KCND3: variants seen among roughly 807,000 people sequenced by gnomAD.
KCND3 encodes the protein A-type voltage-gated potassium channel KCND3.
A neutral mutation model predicts 51.1 loss-of-function variants in KCND3; 9 were observed. The observed-to-expected ratio is 0.18, with a 90% CI of 0.11 to 0.31. The LOEUF is 0.31. Ranked by LOEUF, KCND3 falls within the 10% of genes least tolerant of loss-of-function variation. KCND3 has a pLI of 1.00. For synonymous variants in KCND3, 349 were observed against 368.0 expected, an observed-to-expected ratio of 0.95 and a Z score of 0.59; for missense variants, 526 against 903.8, an observed-to-expected ratio of 0.58 and a Z score of 5.36.
chr1:111,790,493 G>A (rs1484836296), intron 2 of KCND3, among the ~76,000 whole-genome samples: 1 of 152,136 alleles, frequency 6.6e-6, no homozygotes, highest in Non-Finnish European at 1.5e-5. Context: ...GCCACAGCTG[G>A]TGAGTTCAAA....
chr1:111,854,890 C>T (rs1021713773), intron 2 of KCND3, among the ~76,000 whole-genome samples: 1 of 152,158 alleles, frequency 6.6e-6, no homozygotes, highest in African/African-American at 2.4e-5. Flanking sequence ...AACAAGGCCT[C>T]GCTGTCTAGT....
chr1:111,884,704 AT>A (rs776384781), intron 2 of KCND3, among the ~76,000 whole-genome samples: 15 of 152,172 alleles, frequency 9.9e-5, no homozygotes, highest in African/African-American at 1.4e-4. Flanking sequence ...CAATCAGAGG[AT>A]TTTCCCTTGC....
intron 2 of KCND3, among the ~76,000 whole-genome samples, chr1:111,944,952 A>G (rs144101569): frequency 2.0e-5 from 3 of 152,084 alleles, no homozygotes; most frequent in Non-Finnish European, 4.4e-5. Context: ...TGCTTCTGTC[A>G]CTCAACCATG....
chr1:111,819,099 G>C (rs1021731542), intron 2 of KCND3, among the ~76,000 whole-genome samples: 1 of 152,122 alleles, frequency 6.6e-6, no homozygotes, highest in Non-Finnish European at 1.5e-5. Context: ...AGGCCTTCTT[G>C]CTTTTAGGAG....
chr1:111,846,851 T>C (rs1471836579), intron 2 of KCND3, among the ~76,000 whole-genome samples: 1 of 152,186 alleles, frequency 6.6e-6, no homozygotes, highest in Non-Finnish European at 1.5e-5. Context: ...GCTATTGCCC[T>C]AGGTAATGAA....
At chr1:111,947,858 G>C (rs1282122663) in intron 2 of KCND3, among the ~76,000 whole-genome samples, 1 of 152,172 alleles carries the variant, frequency 6.6e-6, no homozygotes, top group African/African-American at 2.4e-5. Context: ...TTAGTTTTTT[G>C]TTTATTTGCT....
At chr1:111,848,860 C>T (rs1450870801) in intron 2 of KCND3, among the ~76,000 whole-genome samples, 1 of 152,170 alleles carries the variant, frequency 6.6e-6, no homozygotes, top group Non-Finnish European at 1.5e-5. Context: ...GATGTGCTGT[C>T]CACAGGGAGC....
chr1:111,958,952 C>T (rs1673487389), intron 2 of KCND3, among the ~76,000 whole-genome samples: 1 of 152,202 alleles, frequency 6.6e-6, no homozygotes. Flanking sequence ...ATGCATCTTG[C>T]TTGTAATTGC....
Position 111,982,032 on chromosome 1 carries a change from G to A in KCND3, c.695C>T (p.Ala232Val), listed in dbSNP as rs761779478. 1.9e-6 allele frequency: 3 copies of A among 1,613,796 alleles called. No homozygotes were observed. Among genetic ancestry groups the A allele is most frequent in the South Asian group, 1.1e-5 (1 of 91,056 alleles). The part of the protein sequence containing the change: ...YSVAFFCLDT[A>V]CVMIFTVEYL... ...CTCCACGGTGAAGATCATGACGCAC[G>A]CCGTGTCCAGGCAGAAGAAGGCCAC... The change falls in exon 2 of 8, where the codon GCG becomes GTG. Residue 232 changes from alanine to valine, a missense_variant. Physicochemically the swap from Ala to Val is moderately conservative, Grantham distance 64. Coordinates refer to ENST00000302127, the MANE Select transcript of KCND3 (RefSeq NM_001378969.1). This position sits in a 1 kb window ranked among gnomAD's most constrained non-coding sequence, Gnocchi z 8.5.
intron 2 of KCND3, among the ~76,000 whole-genome samples, chr1:111,964,347 T>C (rs1249829783): frequency 1.3e-5 from 2 of 152,126 alleles, no homozygotes; most frequent in African/African-American, 4.8e-5. Flanking sequence ...AAGTACAGCC[T>C]CCCAACCTGC....
chr1:111,780,593 T>C lies in KCND3; in HGVS notation c.1371+97A>G. 1.8e-6 allele frequency: 2 copies of C among 1,106,948 alleles called. No homozygotes were observed. The highest frequency in any genetic ancestry group is 1.3e-6 in the Non-Finnish European group (1 of 742,774). 68.6% of individuals were successfully genotyped at this position (1,106,948 alleles called of 1,614,324 possible). On this transcript the variant is annotated intron_variant, in intron 4 of 7. Coordinates refer to ENST00000302127, the MANE Select transcript of KCND3 (RefSeq NM_001378969.1). The surrounding 1 kb of genome is among the most constrained non-coding windows in gnomAD (Gnocchi z 4.2). Reference sequence around the variant, plus strand: ...GGAAACGTGTCCTCCTTGGGGTTCATACTGGGGCTCTGGTGAGAGTGCTGG... The same window carrying C: ...GGAAACGTGTCCTCCTTGGGGTTCACACTGGGGCTCTGGTGAGAGTGCTGG...
At chr1:111,790,096 C>T (rs769176039) in intron 2 of KCND3, among the ~76,000 whole-genome samples, 27 of 152,026 alleles carry the variant, frequency 1.8e-4, no homozygotes, top group Non-Finnish European at 2.9e-4. Flanking sequence ...TGGTATGTTC[C>T]GGAATTTTTC....
intron 2 of KCND3, among the ~76,000 whole-genome samples, chr1:111,921,915 G>A (rs1187331312): frequency 4.6e-5 from 7 of 152,272 alleles, no homozygotes; most frequent in African/African-American, 1.7e-4. Flanking sequence ...GAGATAATGT[G>A]GATGCCTAAA....
intron 2 of KCND3, among the ~76,000 whole-genome samples, chr1:111,821,671 C>G (rs59101631): frequency 6.6e-6 from 1 of 152,190 alleles, no homozygotes; most frequent in African/African-American, 2.4e-5. Context: ...TCACCACCCC[C>G]AACTGGAGGC....
chr1:111,967,254 G>A (rs1674057895), intron 2 of KCND3, among the ~76,000 whole-genome samples: 1 of 152,058 alleles, frequency 6.6e-6, no homozygotes, highest in Non-Finnish European at 1.5e-5. Context: ...TGGGGAGGGT[G>A]CTGAAGACAG....
At chr1:111,838,773 T>C (rs558965906) in intron 2 of KCND3, among the ~76,000 whole-genome samples, 3 of 152,330 alleles carry the variant, frequency 2.0e-5, no homozygotes, top group African/African-American at 2.4e-5. Flanking sequence ...TTTTAAGATG[T>C]TCTGTTGACA....
chr1:111,961,961 C>T (rs1045033557), intron 2 of KCND3, among the ~76,000 whole-genome samples: 1 of 152,104 alleles, frequency 6.6e-6, no homozygotes, highest in Non-Finnish European at 1.5e-5. Context: ...TTCTCTGGCC[C>T]GAGTTGCTGG....
At chr1:111,834,233 A>G (rs139096327) in intron 2 of KCND3, among the ~76,000 whole-genome samples, 25 of 152,348 alleles carry the variant, frequency 1.6e-4, no homozygotes, top group African/African-American at 6.0e-4. Context: ...ATAGATGCCC[A>G]CTAGGATTTG....
At chr1:111,802,443 C>T (rs1328179179) in intron 2 of KCND3, among the ~76,000 whole-genome samples, 1 of 152,230 alleles carries the variant, frequency 6.6e-6, no homozygotes, top group Non-Finnish European at 1.5e-5. Context: ...AGTCAGAAGT[C>T]CCTGGCCTGC....
Sources: allele counts gnomAD v4.1 joint callset (sites outside exome capture counted in the v4.1 genomes callset), GRCh38; gene constraint gnomAD v4.1.1; non-coding constraint Gnocchi (gnomAD v3.1); transcripts MANE v1.5; gene names NCBI Gene and HGNC (gene_info 2026-07-23, HGNC 2026-07-21).